The following SGCZ variants were observed in gnomAD, a reference collection of about 807,000 sequenced individuals.
SGCZ encodes sarcoglycan zeta.
Under a neutral mutation model 41.3 loss-of-function variants are expected in SGCZ, and 40 were observed. That is an observed-to-expected ratio of 0.97 (90% confidence interval 0.75 to 1.26). The LOEUF (loss-of-function observed/expected upper bound fraction) is 1.26. SGCZ is among the 50% of genes most tolerant of loss of function. The pLI is 0.00. For missense variants in SGCZ, 552 were observed against 369.8 expected (o/e 1.49, Z -4.04); for synonymous variants, 206 against 137.5 (o/e 1.50, Z -3.49).
chr8:14,392,889 A>G (rs1480991255), intron 2 of SGCZ, among the ~76,000 whole-genome samples: 1 of 152,202 alleles, frequency 6.6e-6, no homozygotes, highest in African/African-American at 2.4e-5. Context: ...ATAAAATATT[A>G]AAATAAAGTT....
At chr8:15,101,894 CA>C (rs1407688228) in intron 1 of SGCZ, among the ~76,000 whole-genome samples, 2 of 152,238 alleles carry the variant, frequency 1.3e-5, no homozygotes, top group Non-Finnish European at 2.9e-5. Flanking sequence ...CACTGCACTC[CA>C]GCCTGAGCAA....
chr8:15,230,614 T>G, intron 1 of SGCZ, among the ~76,000 whole-genome samples: 1 of 152,218 alleles, frequency 6.6e-6, no homozygotes, highest in East Asian at 1.9e-4. Flanking sequence ...AAACGTCATT[T>G]TTGAGCCATA....
chr8:14,706,065 C>T (rs1420871299), intron 1 of SGCZ, among the ~76,000 whole-genome samples: 2 of 151,924 alleles, frequency 1.3e-5, no homozygotes, highest in African/African-American at 4.8e-5. Context: ...GGCACCATGA[C>T]TCCTTGCTGA....
At chr8:15,049,685 G>C (rs1804444598) in intron 1 of SGCZ, among the ~76,000 whole-genome samples, 1 of 152,098 alleles carries the variant, frequency 6.6e-6, no homozygotes, top group South Asian at 2.1e-4. Flanking sequence ...TGGTGATATA[G>C]TTTGGCTGTG....
chr8:15,095,158 G>A (rs7825260), intron 1 of SGCZ, among the ~76,000 whole-genome samples: 22,576 of 152,048 alleles, frequency 0.15, 1,969 homozygotes, highest in East Asian at 0.26. Flanking sequence ...GAGTGCAATG[G>A]CGTGATCTCA....
intron 1 of SGCZ, among the ~76,000 whole-genome samples, chr8:15,155,162 G>A (rs1285665901): frequency 6.6e-6 from 1 of 152,066 alleles, no homozygotes; most frequent in Non-Finnish European, 1.5e-5. Context: ...GAGTGTGGTG[G>A]TGCACGCCTA....
chr8:15,219,300 G>C (rs1458826199), intron 1 of SGCZ, among the ~76,000 whole-genome samples: 1 of 152,028 alleles, frequency 6.6e-6, no homozygotes, highest in Non-Finnish European at 1.5e-5. Flanking sequence ...ATACATATAA[G>C]TATGTGATTT....
chr8:15,063,625 T>A (rs993856620), intron 1 of SGCZ, among the ~76,000 whole-genome samples: 1 of 152,200 alleles, frequency 6.6e-6, no homozygotes, highest in African/African-American at 2.4e-5. Context: ...GTCTTCATTA[T>A]TCTGAAATGA....
intron 1 of SGCZ, among the ~76,000 whole-genome samples, chr8:14,788,619 T>C (rs1327380119): frequency 6.6e-6 from 1 of 152,164 alleles, no homozygotes; most frequent in Non-Finnish European, 1.5e-5. Flanking sequence ...AAAGAGGCAA[T>C]ACGTGTATAT....
At chr8:14,594,689 T>G (rs1047054448) in intron 1 of SGCZ, among the ~76,000 whole-genome samples, 1 of 151,906 alleles carries the variant, frequency 6.6e-6, no homozygotes, top group African/African-American at 2.4e-5. Flanking sequence ...CTTTTCAAAT[T>G]AAAAATAAAA....
intron 2 of SGCZ, among the ~76,000 whole-genome samples, chr8:14,542,594 C>T (rs1803503576): frequency 6.6e-6 from 1 of 152,018 alleles, no homozygotes; most frequent in Admixed American, 6.6e-5. Flanking sequence ...TTTCCTATTT[C>T]TGAACTAGGG....
intron 4 of SGCZ, among the ~76,000 whole-genome samples, chr8:14,166,970 C>G (rs1024002922): frequency 6.6e-6 from 1 of 152,092 alleles, no homozygotes; most frequent in Non-Finnish European, 1.5e-5. Context: ...AAAATTCATA[C>G]TGCAGACTAC....
chr8:14,647,019 T>A (rs1352760402), intron 1 of SGCZ, among the ~76,000 whole-genome samples: 1 of 151,988 alleles, frequency 6.6e-6, no homozygotes, highest in Non-Finnish European at 1.5e-5. Flanking sequence ...GGTCCATAAC[T>A]TTAGGTGGTC....
At chr8:15,229,228 A>C (rs906796451) in intron 1 of SGCZ, among the ~76,000 whole-genome samples, 12 of 152,206 alleles carry the variant, frequency 7.9e-5, no homozygotes, top group Non-Finnish European at 1.8e-4. Flanking sequence ...TAAGTTGTTC[A>C]GAAGAGATGT....
At chr8:14,603,949 G>C (rs151111586) in intron 1 of SGCZ, among the ~76,000 whole-genome samples, 2 of 151,888 alleles carry the variant, frequency 1.3e-5, no homozygotes, top group East Asian at 1.9e-4. Flanking sequence ...AGATTCCATA[G>C]CGACATATCT....
chr8:14,157,356 G>GAC (rs1339715726), intron 5 of SGCZ, among the ~76,000 whole-genome samples: 1 of 131,856 alleles, frequency 7.6e-6, no homozygotes, highest in Non-Finnish European at 1.6e-5. Flanking sequence ...GTGTGTGTGT[G>GAC]TGTGTGTGAG....
At chr8:14,790,827 T>TG (rs1800926596) in intron 1 of SGCZ, among the ~76,000 whole-genome samples, 1 of 152,088 alleles carries the variant, frequency 6.6e-6, no homozygotes, top group African/African-American at 2.4e-5. Flanking sequence ...GGTCAGGAGT[T>TG]GGAGACCAAC....
At chr8:14,370,553 T>G (rs1024117370) in intron 2 of SGCZ, among the ~76,000 whole-genome samples, 2 of 152,138 alleles carry the variant, frequency 1.3e-5, no homozygotes, top group Non-Finnish European at 2.9e-5. Context: ...TAAATCTTTA[T>G]ATTCTTACTC....
intron 4 of SGCZ, among the ~76,000 whole-genome samples, chr8:14,218,086 G>C (rs1366540029): frequency 6.6e-6 from 1 of 152,072 alleles, no homozygotes; most frequent in African/African-American, 2.4e-5. Context: ...ATATCTACTT[G>C]ACCACTCTAC....
Sources: allele counts gnomAD v4.1 joint callset (sites outside exome capture counted in the v4.1 genomes callset), GRCh38; gene constraint gnomAD v4.1.1; transcripts MANE v1.5; gene names NCBI Gene and HGNC (gene_info 2026-07-23, HGNC 2026-07-21).